Variants in TPRG1 observed in about 807,000 individuals in gnomAD.
TPRG1 encodes tumor protein p63 regulated 1.
TPRG1 carries 29 observed loss-of-function variants against 29.3 expected under a neutral mutation model. The ratio of observed to expected loss-of-function variants is 0.99; its 90% CI spans 0.74 to 1.35. TPRG1 has a LOEUF of 1.35. TPRG1 is among the 40% of genes most tolerant of loss of function. The probability of loss-of-function intolerance (pLI) is 0.00; values close to 1 mark genes in which losing one functional copy is unlikely to be tolerated. For synonymous variants in TPRG1, 130 were observed against 116.8 expected, an observed-to-expected ratio of 1.11 and a Z score of -0.73; for missense variants, 327 against 335.0, an observed-to-expected ratio of 0.98 and a Z score of 0.19.
rs564071200 is a variant in TPRG1 at position 189,043,589 on chromosome 3, C to T, written c.-463+19643C>T. 7.2e-5 allele frequency among the ~76,000 whole-genome samples: 11 copies of T among 152,304 alleles called. No individual in the cohort carries two copies. In the South Asian group the frequency reaches 2.1e-3, roughly 29 times the overall value. On this transcript the variant is annotated intron_variant, in intron 4 of 10. Transcript: ENST00000433971. Reference sequence around the variant, plus strand: ...GAAGCAGACTGTCATAAAAGCCAATCGTCTGCTTAACTCCATTACAATTTT... The same window carrying T: ...GAAGCAGACTGTCATAAAAGCCAATTGTCTGCTTAACTCCATTACAATTTT...
chr3:189,301,406 T>C (rs1720819999), intron 4 of TPRG1, among the ~76,000 whole-genome samples: 1 of 151,886 alleles, frequency 6.6e-6, no homozygotes, highest in African/African-American at 2.4e-5. Flanking sequence ...ACATTTTAAA[T>C]TACATTTAAC....
At chr3:189,189,313 T>A (rs756122205) in intron 1 of TPRG1, among the ~76,000 whole-genome samples, 23 of 152,176 alleles carry the variant, frequency 1.5e-4, no homozygotes, top group Non-Finnish European at 2.8e-4. Context: ...GATATCTTTC[T>A]ATTGTATTTG....
At position 189,268,744 on chromosome 3, in the gene TPRG1, C is replaced by T. The variant is rs567635327; in HGVS notation, c.479+29835C>T. Among the ~76,000 whole-genome samples the T allele has an allele frequency of 4.3e-4, 65 of 152,252 alleles. 1 individual carries two copies. The highest frequency in any genetic ancestry group is 1.5e-3 in the African/African-American group (61 of 41,534). ...GCGTCGTAATAGCAAGATCCTGAAA[C>T]GCAGATGGAATGTATGTCAGAGATT... is the stretch of plus-strand genomic sequence containing the variant. On this transcript the variant is annotated intron_variant, in intron 4 of 5. Transcript: ENST00000345063.
In TPRG1 at chr3:189,158,212, C is replaced by T. The variant is rs557009982; in HGVS notation, c.-10+7340C>T. Among the ~76,000 whole-genome samples the T allele has an allele frequency of 3.7e-4, 56 of 152,328 alleles. 1 individual carries two copies. The highest frequency in any genetic ancestry group is 1.3e-3 in the African/African-American group (54 of 41,572). ...CTTTCGAACTGCTCTTACCCTGTTT[C>T]ACTTACTTAGTGCACCACACAGTCC... On this transcript the variant is annotated intron_variant, in intron 5 of 6. Coordinates refer to the TPRG1 transcript ENST00000412373.
At chr3:189,121,324 G>A (rs190272545) in intron 1 of TPRG1, 5 of 152,294 alleles carry the variant, frequency 3.3e-5, no homozygotes, top group Admixed American at 2.0e-4. Flanking sequence ...CCTCCTTGAG[G>A]TTAGGTTAGG....
At chr3:189,092,420 A>C (rs1410324715) in intron 4 of TPRG1, among the ~76,000 whole-genome samples, 2 of 151,380 alleles carry the variant, frequency 1.3e-5, no homozygotes, top group East Asian at 3.9e-4. Flanking sequence ...ATTCTGAAGA[A>C]TACATTATTT....
chr3:189,294,903 G>T (rs934122500), intron 4 of TPRG1, among the ~76,000 whole-genome samples: 1 of 151,974 alleles, frequency 6.6e-6, no homozygotes, highest in African/African-American at 2.4e-5. Context: ...TGCACAATGC[G>T]CAGGTTTGTT....
At chr3:189,013,969 G>C (rs190454898) in intron 3 of TPRG1, among the ~76,000 whole-genome samples, 1 of 152,240 alleles carries the variant, frequency 6.6e-6, no homozygotes, top group East Asian at 1.9e-4. Flanking sequence ...TTGCCACTCT[G>C]TCTTTTCATT....
chr3:189,154,159 C>T (rs181917400), intron 5 of TPRG1, among the ~76,000 whole-genome samples: 139 of 152,216 alleles, frequency 9.1e-4, no homozygotes, highest in Non-Finnish European at 1.7e-3. Flanking sequence ...TCACATCATG[C>T]GATATTCTTC....
At chr3:189,074,968 C>T (rs1345951334) in intron 4 of TPRG1, among the ~76,000 whole-genome samples, 7 of 151,310 alleles carry the variant, frequency 4.6e-5, no homozygotes, top group Admixed American at 6.6e-5. Flanking sequence ...CCCGCCACCA[C>T]GCCCGGCTAA....
chr3:189,187,369 C>T (rs919372972), intron 1 of TPRG1, among the ~76,000 whole-genome samples: 5 of 151,906 alleles, frequency 3.3e-5, no homozygotes, highest in South Asian at 2.1e-4. Flanking sequence ...TGCAGTGACA[C>T]GGTATTGGCT....
chr3:189,031,403 T>G (rs1244936284), intron 4 of TPRG1, among the ~76,000 whole-genome samples: 1 of 152,250 alleles, frequency 6.6e-6, no homozygotes, highest in Non-Finnish European at 1.5e-5. Flanking sequence ...ACATGGCATA[T>G]GTATGCATGA....
At chr3:189,050,592 C>G (rs1478581855) in intron 4 of TPRG1, among the ~76,000 whole-genome samples, 1 of 152,084 alleles carries the variant, frequency 6.6e-6, no homozygotes, top group Non-Finnish European at 1.5e-5. Flanking sequence ...TGAAGCCAGC[C>G]TCACCCTAAT....
intron 3 of TPRG1, among the ~76,000 whole-genome samples, chr3:189,221,971 AT>A (rs57226155): frequency 1.8e-3 from 265 of 149,816 alleles, no homozygotes; most frequent in African/African-American, 5.7e-3. Flanking sequence ...GCCTTTTGTG[AT>A]TTTTTTTTTT....
chr3:189,226,864 G>A (rs1028934255), intron 3 of TPRG1, among the ~76,000 whole-genome samples: 6 of 151,062 alleles, frequency 4.0e-5, no homozygotes, highest in Non-Finnish European at 8.8e-5. Context: ...ATGAAACAGG[G>A]GATATCACAG....
At chr3:189,195,446 A>G (rs963547913) in intron 1 of TPRG1, among the ~76,000 whole-genome samples, 1 of 152,088 alleles carries the variant, frequency 6.6e-6, no homozygotes, top group Non-Finnish European at 1.5e-5. Flanking sequence ...GCTTGAGGAT[A>G]TTTGGCCACT....
At chr3:189,069,822 A>C (rs1935111975) in intron 4 of TPRG1, among the ~76,000 whole-genome samples, 1 of 152,150 alleles carries the variant, frequency 6.6e-6, no homozygotes, top group Non-Finnish European at 1.5e-5. Context: ...CAAAGGAAAA[A>C]CAGGCTGGGC....
intron 3 of TPRG1, among the ~76,000 whole-genome samples, chr3:189,134,045 A>G (rs926291563): frequency 1.3e-5 from 2 of 152,116 alleles, no homozygotes; most frequent in Non-Finnish European, 2.9e-5. Context: ...TTGAATACAC[A>G]TGTTAGCTAT....
At chr3:189,270,269 G>C (rs1055225567) in intron 4 of TPRG1, among the ~76,000 whole-genome samples, 2 of 152,110 alleles carry the variant, frequency 1.3e-5, no homozygotes, top group African/African-American at 4.8e-5. Context: ...ATCCGTGTCA[G>C]GAATTTTGAA....
Sources: gnomAD v4.1 joint callset for allele counts (sites outside exome capture counted in the v4.1 genomes callset) on GRCh38, gnomAD v4.1.1 for gene constraint, MANE v1.5 for transcripts, NCBI Gene and HGNC (gene_info 2026-07-23, HGNC 2026-07-21) for gene names.